The following CELSR1 variants were observed in gnomAD, a reference collection of about 807,000 sequenced individuals.
CELSR1 encodes adhesion G protein-coupled receptor C1.
In CELSR1, 110 loss-of-function variants were observed where a neutral mutation model predicts 249.1. That is an observed-to-expected ratio of 0.44 (90% CI 0.38 to 0.52). The LOEUF is 0.52. CELSR1 is among the 20% of genes least tolerant of loss of function. CELSR1 has a pLI of 0.00. For missense variants in CELSR1, 4,109 were observed against 4,296.4 expected (o/e 0.96, Z 1.22); for synonymous variants, 2,113 against 1,900.0 (o/e 1.11, Z -2.92).
At chr22:46,507,893 T>C (rs1196861350) in intron 1 of CELSR1, among the ~76,000 whole-genome samples, 1 of 151,996 alleles carries the variant, frequency 6.6e-6, no homozygotes, top group Non-Finnish European at 1.5e-5. Context: ...AGGACATGGC[T>C]ACCTCCTCAC....
chr22:46,474,788 CTTT>C (rs55932520), intron 1 of CELSR1, among the ~76,000 whole-genome samples: 2 of 89,636 alleles, frequency 2.2e-5, no homozygotes, highest in Admixed American at 1.6e-4. Context: ...CTCTCTACTT[CTTT>C]TTTTTTTTTT....
chr22:46,448,829 A>G lies in CELSR1; in HGVS notation c.4184-9418T>C, dbSNP rs1477871238. Among the ~76,000 whole-genome samples the G allele has an allele frequency of 6.6e-6, 1 of 152,218 alleles. No homozygotes were observed. Among genetic ancestry groups the G allele is most frequent in the Non-Finnish European group, 1.5e-5 (1 of 68,038 alleles). On this transcript the variant is annotated intron_variant, in intron 2 of 34. Transcript: ENST00000674500. The surrounding 1 kb of genome is among the most constrained non-coding windows in gnomAD (Gnocchi z 5.7). ...GTCCTAACACTGGATCCTAGGATGC[A>G]GAAAGCACAGTCTTGAAGACACAAC...
At chr22:46,431,911 C>T (rs1168372977) in intron 5 of CELSR1, among the ~76,000 whole-genome samples, 1 of 152,260 alleles carries the variant, frequency 6.6e-6, no homozygotes, top group African/African-American at 2.4e-5. Flanking sequence ...CAAACATCAG[C>T]CAAGCCCCAC....
intron 1 of CELSR1, among the ~76,000 whole-genome samples, chr22:46,479,427 A>C (rs1312622588): frequency 2.6e-5 from 4 of 152,024 alleles, no homozygotes; most frequent in Non-Finnish European, 5.9e-5. Flanking sequence ...CTACCACTCC[A>C]GGTGAGCCTC....
At chr22:46,369,295 C>A (rs370371950) in intron 26 of CELSR1, 37 bp from the exon 27 acceptor site, 1 of 98,732 alleles carries the variant, frequency 1.0e-5, no homozygotes. Context: ...TCTTCTCTCT[C>A]GTCACTGCAG....
chr22:46,497,983 T>C (rs1393570546), intron 1 of CELSR1, among the ~76,000 whole-genome samples: 2 of 152,076 alleles, frequency 1.3e-5, no homozygotes, highest in African/African-American at 2.4e-5. Flanking sequence ...GCACGGTGGC[T>C]CACGCTTGTA....
chr22:46,378,920 G>A (rs1437487962), intron 22 of CELSR1, among the ~76,000 whole-genome samples: 3 of 152,156 alleles, frequency 2.0e-5, no homozygotes, highest in Non-Finnish European at 4.4e-5. Context: ...CCGAAGACAA[G>A]AGCCACCTGG....
rs2079924781 is a variant in CELSR1, at chr22:46,454,592, A to G, written c.4183+9115T>C. Among the ~76,000 whole-genome samples, 1 of 152,232 alleles carries G rather than the reference A, an allele frequency of 6.6e-6. No individual in the cohort carries two copies. Among genetic ancestry groups the G allele is most frequent in the Non-Finnish European group, 1.5e-5 (1 of 68,042 alleles). On this transcript the variant is annotated intron_variant, in intron 2 of 34. Coordinates refer to ENST00000674500, the MANE Select transcript of CELSR1 (RefSeq NM_001378328.1). This position sits in a 1 kb window ranked among gnomAD's most constrained non-coding sequence, Gnocchi z 5.1. ...GGCCACTTTTCTAACTGTGGGCCAG[A>G]CATTTCTGGGCAGATGTTTGTTCCT...
At chr22:46,384,006 C>T (rs1183500968) in intron 20 of CELSR1, among the ~76,000 whole-genome samples, 1 of 152,028 alleles carries the variant, frequency 6.6e-6, no homozygotes, top group Admixed American at 6.6e-5. Context: ...CATATCTCGG[C>T]TCACTACAAC....
chr22:46,451,592 C>A (rs2079885525), intron 2 of CELSR1, among the ~76,000 whole-genome samples: 1 of 152,044 alleles, frequency 6.6e-6, no homozygotes, highest in African/African-American at 2.4e-5. Context: ...AGCATGCGGG[C>A]CCAGGTGACC....
At chr22:46,465,998 C>T (rs1220329970) in intron 1 of CELSR1, among the ~76,000 whole-genome samples, 2 of 152,202 alleles carry the variant, frequency 1.3e-5, no homozygotes, top group Non-Finnish European at 2.9e-5. Flanking sequence ...ATTTGTACAA[C>T]CTCGGTGTGG....
intron 1 of CELSR1, among the ~76,000 whole-genome samples, chr22:46,469,989 A>AGGGAGGGAGGGAGGATGAG (rs2080138337): frequency 8.4e-6 from 1 of 118,958 alleles, no homozygotes; most frequent in African/African-American, 3.2e-5. Flanking sequence ...GGAGGAGGGG[A>AGGGAGGGAGGGAGGATGAG]GGGAGGGAGG....
At chr22:46,426,359 G>T (rs140905315) in intron 5 of CELSR1, among the ~76,000 whole-genome samples, 42 of 152,276 alleles carry the variant, frequency 2.8e-4, no homozygotes, top group Admixed American at 1.6e-3. Flanking sequence ...TAAACAACAT[G>T]CATCTGTTTC....
intron 26 of CELSR1, 151 bp from the exon 27 acceptor site, chr22:46,369,409 C>T: frequency 1.5e-6 from 1 of 686,808 alleles, no homozygotes; most frequent in Non-Finnish European, 2.5e-6. Flanking sequence ...CACACCTGTC[C>T]ACCCACTGCC....
chr22:46,401,241 G>A lies in CELSR1; in HGVS notation c.5227-1339C>T, dbSNP rs2079208108. On this transcript the variant is annotated intron_variant, in intron 9 of 34. Coordinates refer to ENST00000674500, the MANE Select transcript of CELSR1 (RefSeq NM_001378328.1). The surrounding 1 kb of genome is among the most constrained non-coding windows in gnomAD (Gnocchi z 4.7). ...AAAAACAAAAATCAGCATTGCAACT[G>A]GCCTAAAACACTCATATTTTAAAAT... 6.6e-6 allele frequency among the ~76,000 whole-genome samples: 1 copy of A among 152,044 alleles called. No individual in the cohort carries two copies. The highest frequency in any genetic ancestry group is 6.6e-5 in the Admixed American group (1 of 15,254).
chr22:46,372,367 TCCATCCACTCACTCACCCCATCTAC>T lies in CELSR1; in HGVS notation c.7759+491_7759+515del, dbSNP rs751929888. Among the ~76,000 whole-genome samples, 589 of 105,032 alleles carry T rather than the reference TCCATCCACTCACTCACCCCATCTAC, an allele frequency of 5.6e-3. 6 individuals carry two copies. Among genetic ancestry groups the T allele is most frequent in the Middle Eastern group, 0.012 (2 of 170 alleles). The allele number at this position is 105,032 out of a possible 152,430, so 68.9% of individuals were successfully genotyped here. A position where few individuals can be genotyped will look rare whatever the true frequency, so the allele number is the denominator to read the frequency against. ...CATCCACTCGCTCCCCACCCATCCA[TCCATCCACTCACTCACCCCATCTAC>T]CCATCCACTCACTCACCCCTCCACC... On this transcript the variant is annotated intron_variant, in intron 25 of 34. Transcript: ENST00000674500.
chr22:46,494,636 G>A lies in CELSR1; in HGVS notation c.3545-30291C>T, dbSNP rs565200756. The stretch of plus-strand genomic sequence containing the variant: ...CAATTCTCATGCCTCAGCCTCCAGA[G>A]TAGCCGGGATTACAGGCATGCCACC... On this transcript the variant is annotated intron_variant, in intron 1 of 34. Coordinates refer to ENST00000674500, the MANE Select transcript of CELSR1 (RefSeq NM_001378328.1). Among the ~76,000 whole-genome samples the A allele has an allele frequency of 3.3e-5, 5 of 152,246 alleles. No homozygotes were observed. In the South Asian group the frequency reaches 1.0e-3, roughly 32 times the overall value.
chr22:46,461,588 GT>G lies in CELSR1; in HGVS notation c.4183+2118del, dbSNP rs1407797379. Among the ~76,000 whole-genome samples, 3 of 152,192 alleles carry G rather than the reference GT, an allele frequency of 2.0e-5. No homozygotes were observed. The South Asian group carries it at 6.2e-4, about 32-fold the overall frequency. On this transcript the variant is annotated intron_variant, in intron 2 of 34. Coordinates refer to ENST00000674500, the MANE Select transcript of CELSR1 (RefSeq NM_001378328.1). ...GACTCATCTGACAAAGCCAGAGGTGGTGGGTGCTTGCACAGTCCCCTCTACC... is the reference window on the plus strand; with the variant it reads ...GACTCATCTGACAAAGCCAGAGGTGGGGGTGCTTGCACAGTCCCCTCTACC...
At chr22:46,443,407 C>A (rs1420428376) in intron 2 of CELSR1, among the ~76,000 whole-genome samples, 1 of 152,150 alleles carries the variant, frequency 6.6e-6, no homozygotes, top group African/African-American at 2.4e-5. Context: ...GGTTTCCCAC[C>A]CCACTCAGTT....
Sources: allele counts gnomAD v4.1 joint callset (sites outside exome capture counted in the v4.1 genomes callset), GRCh38; gene constraint gnomAD v4.1.1; non-coding constraint Gnocchi (gnomAD v3.1); transcripts MANE v1.5; gene names NCBI Gene and HGNC (gene_info 2026-07-23, HGNC 2026-07-21).